GPC5: variants seen among roughly 807,000 people sequenced by gnomAD.
GPC5 encodes the protein glypican-5.
In GPC5, 47 loss-of-function variants were observed where a neutral mutation model predicts 53.9. That is an observed-to-expected ratio of 0.87 (90% CI 0.69 to 1.11). GPC5 has a LOEUF of 1.11. GPC5 is among the 50% of genes most tolerant of loss of function. GPC5 has a pLI of 0.00. For synonymous variants in GPC5, 286 were observed against 263.3 expected, an observed-to-expected ratio of 1.09 and a Z score of -0.84; for missense variants, 748 against 713.1, an observed-to-expected ratio of 1.05 and a Z score of -0.56.
chr13:91,497,593 T>C (rs1884347287), intron 2 of GPC5, among the ~76,000 whole-genome samples: 1 of 152,140 alleles, frequency 6.6e-6, no homozygotes. Flanking sequence ...TAGAAATTAG[T>C]CCATAGAAAC....
intron 7 of GPC5, among the ~76,000 whole-genome samples, chr13:92,312,564 T>C (rs1478582383): frequency 6.6e-6 from 1 of 152,226 alleles, no homozygotes; most frequent in Non-Finnish European, 1.5e-5. Flanking sequence ...AAGTGACTGC[T>C]TAATATTTTA....
rs181729336 is a variant in GPC5 at position 91,591,659 on chromosome 13, G to A, written c.326-101528G>A. Among the ~76,000 whole-genome samples, 295 of 152,068 alleles carry A rather than the reference G, an allele frequency of 1.9e-3. 1 individual carries two copies. The highest frequency in any genetic ancestry group is 6.9e-3 in the African/African-American group (288 of 41,498). On this transcript the variant is annotated intron_variant, in intron 2 of 7. Coordinates refer to ENST00000377067, the MANE Select transcript of GPC5 (RefSeq NM_004466.6). Reference sequence around the variant, plus strand: ...TAAAATTCCTTTTTTCTGTATTTTTGTCTGAGTGTTGATTCAAATAACTCA... The same window carrying A: ...TAAAATTCCTTTTTTCTGTATTTTTATCTGAGTGTTGATTCAAATAACTCA...
chr13:91,953,457 A>G (rs986266414), intron 6 of GPC5, among the ~76,000 whole-genome samples: 1 of 152,198 alleles, frequency 6.6e-6, no homozygotes, highest in Admixed American at 6.5e-5. Flanking sequence ...TGTACAAACC[A>G]AATTACAAAA....
intron 7 of GPC5, among the ~76,000 whole-genome samples, chr13:92,277,353 A>G (rs540991055): frequency 6.6e-6 from 1 of 152,026 alleles, no homozygotes; most frequent in Non-Finnish European, 1.5e-5. Context: ...TTTTATGTAC[A>G]TTCTAAGGTA....
intron 4 of GPC5, among the ~76,000 whole-genome samples, chr13:91,736,742 G>T (rs193264483): frequency 6.6e-6 from 1 of 151,196 alleles, no homozygotes; most frequent in East Asian, 1.9e-4. Flanking sequence ...AGTGTTAAAA[G>T]AAAAAATTAC....
intron 7 of GPC5, among the ~76,000 whole-genome samples, chr13:92,228,367 A>G (rs2042504424): frequency 6.6e-6 from 1 of 152,170 alleles, no homozygotes; most frequent in Non-Finnish European, 1.5e-5. Context: ...CACAAATGCA[A>G]TGGGAGACTA....
At chr13:91,967,469 AC>A (rs2040191974) in intron 6 of GPC5, among the ~76,000 whole-genome samples, 2 of 152,092 alleles carry the variant, frequency 1.3e-5, no homozygotes, top group South Asian at 4.1e-4. Context: ...TATTAAAATG[AC>A]CTATAATTTT....
At chr13:92,087,795 G>C (rs2041347620) in intron 6 of GPC5, among the ~76,000 whole-genome samples, 1 of 152,044 alleles carries the variant, frequency 6.6e-6, no homozygotes, top group Admixed American at 6.6e-5. Context: ...ACATGACTGA[G>C]GCAAAATGAT....
chr13:92,349,590 A>G (rs2043458193), intron 7 of GPC5, among the ~76,000 whole-genome samples: 1 of 152,122 alleles, frequency 6.6e-6, no homozygotes, highest in African/African-American at 2.4e-5. Flanking sequence ...ACCACATAAT[A>G]GAATCATAAG....
intron 2 of GPC5, among the ~76,000 whole-genome samples, chr13:91,667,366 T>C (rs2139653229): frequency 6.6e-6 from 1 of 152,318 alleles, no homozygotes; most frequent in East Asian, 1.9e-4. Context: ...TTTAATTACA[T>C]ATTACCCCCT....
intron 6 of GPC5, among the ~76,000 whole-genome samples, chr13:92,053,433 C>A (rs2041047193): frequency 6.6e-6 from 1 of 152,184 alleles, no homozygotes; most frequent in African/African-American, 2.4e-5. Context: ...TGAGCCGAGG[C>A]AAGAACTCTT....
chr13:91,968,753 C>T (rs139218199), intron 6 of GPC5, among the ~76,000 whole-genome samples: 5,968 of 152,022 alleles, frequency 0.039, 412 homozygotes, highest in African/African-American at 0.13. Context: ...TGAGCCACTG[C>T]GCCCGGGCAA....
chr13:91,542,088 A>C (rs902550207), intron 2 of GPC5, among the ~76,000 whole-genome samples: 1 of 151,776 alleles, frequency 6.6e-6, no homozygotes, highest in Admixed American at 6.6e-5. Flanking sequence ...TGCTCGTATT[A>C]AACTTTATTT....
At chr13:91,497,456 AC>A (rs1884338134) in intron 2 of GPC5, among the ~76,000 whole-genome samples, 1 of 152,190 alleles carries the variant, frequency 6.6e-6, no homozygotes, top group Non-Finnish European at 1.5e-5. Flanking sequence ...AGAAGAGATG[AC>A]AATTTTTTAG....
chr13:91,886,231 G>T (rs2039320663), intron 5 of GPC5, among the ~76,000 whole-genome samples: 1 of 152,088 alleles, frequency 6.6e-6, no homozygotes, highest in Non-Finnish European at 1.5e-5. Flanking sequence ...ATGTGCAGGG[G>T]AACTCCCCTT....
At chr13:91,808,211 CTTTTGCCTTGAGAATGAATAA>C (rs2038253100) in intron 5 of GPC5, among the ~76,000 whole-genome samples, 1 of 152,138 alleles carries the variant, frequency 6.6e-6, no homozygotes, top group Non-Finnish European at 1.5e-5. Flanking sequence ...ATATATAACT[CTTTTGCCTTGAGAATGAATAA>C]TGGTTTTTCA....
At position 92,286,861 on chromosome 13, in the gene GPC5, G is replaced by T. The variant is rs2042959065; in HGVS notation, c.1561+141872G>T. Among the ~76,000 whole-genome samples, 6 of 152,100 alleles carry T rather than the reference G, an allele frequency of 3.9e-5. No individual in the cohort carries two copies. In the South Asian group the frequency reaches 1.2e-3, roughly 32 times the overall value. ...TAACAAACCTGCACATTGTGCACAT[G>T]TACCCTAGAACTTAAAATACAATTA... On this transcript the variant is annotated intron_variant, in intron 7 of 7. Transcript: ENST00000377067.
chr13:91,644,042 A>G (rs144252051), intron 2 of GPC5, among the ~76,000 whole-genome samples: 3 of 150,748 alleles, frequency 2.0e-5, no homozygotes, highest in Non-Finnish European at 4.4e-5. Flanking sequence ...TTGGGGATAC[A>G]CTTCAACCCA....
At chr13:91,547,548 A>G (rs1200142581) in intron 2 of GPC5, among the ~76,000 whole-genome samples, 1 of 152,110 alleles carries the variant, frequency 6.6e-6, no homozygotes, top group African/African-American at 2.4e-5. Flanking sequence ...TAAGTACACT[A>G]GTGAATTTTA....
Sources: allele counts gnomAD v4.1 joint callset (sites outside exome capture counted in the v4.1 genomes callset), GRCh38; gene constraint gnomAD v4.1.1; transcripts MANE v1.5; gene names NCBI Gene and HGNC (gene_info 2026-07-23, HGNC 2026-07-21).